GPR39: variants seen among roughly 807,000 people sequenced by gnomAD.
The protein encoded by GPR39 is zinc sensing receptor.
Under a neutral mutation model 18.4 loss-of-function variants are expected in GPR39, and 23 were observed. The ratio of observed to expected loss-of-function variants is 1.25; its 90% CI spans 0.90 to 1.77. GPR39 has a LOEUF of 1.77. GPR39 is among the 40% of genes most tolerant of loss of function. The pLI is 0.00. For missense variants in GPR39, 647 were observed against 602.4 expected, an observed-to-expected ratio of 1.07 and a Z score of -0.78; for synonymous variants, 280 against 257.9, an observed-to-expected ratio of 1.09 and a Z score of -0.82.
chr2:132,599,053 A>C (rs1680997051), intron 1 of GPR39, among the ~76,000 whole-genome samples: 1 of 151,954 alleles, frequency 6.6e-6, no homozygotes. Flanking sequence ...GTGATCTCCA[A>C]ACTGTTTTCA....
At chr2:132,427,108 TA>T (rs1680133321) in intron 1 of GPR39, among the ~76,000 whole-genome samples, 1 of 129,250 alleles carries the variant, frequency 7.7e-6, no homozygotes, top group African/African-American at 3.0e-5. Context: ...GGTACATATA[TA>T]TATAATATAC....
At chr2:132,637,880 G>A (rs1025159390) in intron 1 of GPR39, among the ~76,000 whole-genome samples, 1 of 152,134 alleles carries the variant, frequency 6.6e-6, no homozygotes, top group Non-Finnish European at 1.5e-5. Context: ...GCTTGAAGCT[G>A]ACCCAATTGC....
intron 1 of GPR39, among the ~76,000 whole-genome samples, chr2:132,517,167 G>A (rs1366866685): frequency 1.3e-5 from 2 of 152,172 alleles, no homozygotes; most frequent in Non-Finnish European, 2.9e-5. Flanking sequence ...GTGTGTTTGT[G>A]TGTGTATTAG....
At chr2:132,561,494 G>T (rs1214751386) in intron 1 of GPR39, among the ~76,000 whole-genome samples, 4 of 151,762 alleles carry the variant, frequency 2.6e-5, no homozygotes, top group African/African-American at 9.7e-5. Flanking sequence ...AGGAGCTGTG[G>T]CTTTCAACTT....
At position 132,633,338 on chromosome 2, in the gene GPR39, C is replaced by CTGTGTGTG. The variant is rs55722602; in HGVS notation, c.857-11725_857-11718dup. On this transcript the variant is annotated intron_variant, in intron 1 of 1. Coordinates refer to ENST00000329321, the MANE Select transcript of GPR39 (RefSeq NM_001508.3). ...CCTTATCTTTAAACTCCAAATACCT[C>CTGTGTGTG]TGTGTGTGTGTGTGTGTGTGTGTGT... Among the ~76,000 whole-genome samples the CTGTGTGTG allele has an allele frequency of 4.0e-3, 561 of 139,178 alleles. 5 individuals are homozygous for CTGTGTGTG. Among genetic ancestry groups the CTGTGTGTG allele is most frequent in the African/African-American group, 0.012 (428 of 36,526 alleles). The allele number at this position is 139,178 out of a possible 152,430, so 91.3% of individuals were successfully genotyped here.
intron 1 of GPR39, among the ~76,000 whole-genome samples, chr2:132,494,216 G>A (rs1226056544): frequency 6.6e-6 from 1 of 152,064 alleles, no homozygotes; most frequent in Non-Finnish European, 1.5e-5. Context: ...AAACCAGGGG[G>A]ACCTTATAAA....
intron 1 of GPR39, among the ~76,000 whole-genome samples, chr2:132,535,694 G>GTTTTTTTTTTTTTTTTTTTT (rs1252242856): frequency 3.3e-5 from 2 of 60,972 alleles, no homozygotes; most frequent in African/African-American, 7.8e-5. Flanking sequence ...CTGGTCCTGG[G>GTTTTTTTTTTTTTTTTTTTT]CTTTTTTTTT....
chr2:132,547,820 G>T (rs909074103), intron 1 of GPR39, among the ~76,000 whole-genome samples: 1 of 152,180 alleles, frequency 6.6e-6, no homozygotes, highest in African/African-American at 2.4e-5. Flanking sequence ...AGATTTTCCT[G>T]AATTAGGCAC....
intron 1 of GPR39, among the ~76,000 whole-genome samples, chr2:132,443,107 T>C (rs959882757): frequency 2.0e-5 from 3 of 152,080 alleles, no homozygotes; most frequent in African/African-American, 7.3e-5. Context: ...AATTTGAATT[T>C]TTTATTACAA....
chr2:132,442,838 A>G (rs2104766096), intron 1 of GPR39, among the ~76,000 whole-genome samples: 1 of 152,224 alleles, frequency 6.6e-6, no homozygotes, highest in African/African-American at 2.4e-5. Flanking sequence ...ACTGAGGAAC[A>G]TTTTTTCAAC....
intron 1 of GPR39, among the ~76,000 whole-genome samples, chr2:132,436,801 C>T (rs1017597770): frequency 6.6e-6 from 1 of 152,174 alleles, no homozygotes; most frequent in African/African-American, 2.4e-5. Context: ...CCTCAGTTTC[C>T]ATCAATCAAA....
chr2:132,576,789 G>A (rs947873350), intron 1 of GPR39, among the ~76,000 whole-genome samples: 3 of 152,118 alleles, frequency 2.0e-5, no homozygotes, highest in African/African-American at 7.2e-5. Flanking sequence ...TCACATAAGG[G>A]TGTGAGATTT....
intron 1 of GPR39, among the ~76,000 whole-genome samples, chr2:132,494,175 T>C (rs1482256584): frequency 6.6e-6 from 1 of 152,096 alleles, no homozygotes; most frequent in East Asian, 1.9e-4. Flanking sequence ...TTGAGTTGCC[T>C]TCCCTAAATC....
intron 1 of GPR39, chr2:132,418,576 T>G (rs1309401127): frequency 6.6e-6 from 1 of 152,180 alleles, no homozygotes; most frequent in African/African-American, 2.4e-5. Flanking sequence ...AAAATCTGGC[T>G]TCACCGATTC....
chr2:132,520,060 T>G (rs1004503841), intron 1 of GPR39, among the ~76,000 whole-genome samples: 10 of 152,206 alleles, frequency 6.6e-5, no homozygotes, highest in Non-Finnish European at 1.3e-4. Flanking sequence ...TTCTCTTCCC[T>G]TCCTCTCTTC....
At chr2:132,491,512 G>T (rs1398262173) in intron 1 of GPR39, among the ~76,000 whole-genome samples, 2 of 151,974 alleles carry the variant, frequency 1.3e-5, no homozygotes, top group African/African-American at 2.4e-5. Flanking sequence ...AGAAGTGTGG[G>T]TATATATAGG....
intron 1 of GPR39, among the ~76,000 whole-genome samples, chr2:132,445,493 T>G (rs961437147): frequency 1.3e-5 from 2 of 152,240 alleles, no homozygotes; most frequent in African/African-American, 4.8e-5. Context: ...GTTACATATT[T>G]ATTTTAGGCC....
chr2:132,446,911 A>G (rs1447979262), intron 1 of GPR39, among the ~76,000 whole-genome samples: 1 of 152,200 alleles, frequency 6.6e-6, no homozygotes, highest in Non-Finnish European at 1.5e-5. Context: ...AAAGTGAAGC[A>G]ACATGGTTAG....
chr2:132,585,811 A>G (rs1680714328), intron 1 of GPR39, among the ~76,000 whole-genome samples: 1 of 152,058 alleles, frequency 6.6e-6, no homozygotes, highest in Admixed American at 6.5e-5. Context: ...GTGATCACGC[A>G]GCTGCCTCTT....
Sources: allele counts gnomAD v4.1 joint callset (sites outside exome capture counted in the v4.1 genomes callset), GRCh38; gene constraint gnomAD v4.1.1; transcripts MANE v1.5; gene names NCBI Gene and HGNC (gene_info 2026-07-23, HGNC 2026-07-21).